The following FAM227B variants were observed in gnomAD, a reference collection of about 807,000 sequenced individuals.
The protein encoded by FAM227B is protein FAM227B.
FAM227B carries 88 observed loss-of-function variants against 73.8 expected under a neutral mutation model. The observed-to-expected ratio is 1.19, with a 90% CI of 1.00 to 1.42. FAM227B has a LOEUF of 1.42. Among genes scored for constraint, FAM227B ranks in the 40% most tolerant of loss-of-function variants. The probability of loss-of-function intolerance (pLI) is 0.00; values close to 1 mark genes in which losing one functional copy is unlikely to be tolerated. For missense variants in FAM227B, 632 were observed against 590.9 expected (o/e 1.07, Z -0.72); for synonymous variants, 210 against 190.5 (o/e 1.10, Z -0.84).
rs1303806099 is a variant in FAM227B at position 49,596,857 on chromosome 15, G to A, written c.106-6850C>T. On this transcript the variant is annotated intron_variant, in intron 3 of 15. Transcript: ENST00000299338. ...GACAAAATAAACTTTAAAGCAACAA[G>A]AGTTAAAAAAGACAAAGAGGGACAT... 4.0e-5 allele frequency among the ~76,000 whole-genome samples: 6 copies of A among 151,874 alleles called. No individual in the cohort carries two copies. In the East Asian group the frequency reaches 1.2e-3, roughly 29 times the overall value.
chr15:49,606,785 A>C (rs1221977335), intron 3 of FAM227B, among the ~76,000 whole-genome samples: 1 of 152,202 alleles, frequency 6.6e-6, no homozygotes, highest in East Asian at 1.9e-4. Context: ...AGATGGCTTT[A>C]ATACTAAATT....
chr15:49,386,097 CAG>C (rs1836838839), intron 11 of FAM227B, among the ~76,000 whole-genome samples: 1 of 151,756 alleles, frequency 6.6e-6, no homozygotes, highest in African/African-American at 2.4e-5. Flanking sequence ...ATCTTCAACA[CAG>C]AAAGTCAACA....
rs1347693924 is a variant in FAM227B at position 49,366,655 on chromosome 15, G to C, written c.1271+793C>G. On this transcript the variant is annotated intron_variant, in intron 13 of 15. Transcript: ENST00000299338. The stretch of plus-strand genomic sequence containing the variant: ...GGAAGCCCCAGAGCAGGGCGGCCGT[G>C]GCAGGGGACAGCCGCCGCTGCGGCC... The C allele has an allele frequency of 1.9e-5, 29 of 1,554,254 alleles. No individual in the cohort carries two copies. In the East Asian group the frequency reaches 6.3e-4, roughly 34 times the overall value.
At chr15:49,544,988 G>A (rs552441679) in intron 9 of FAM227B, among the ~76,000 whole-genome samples, 12 of 152,126 alleles carry the variant, frequency 7.9e-5, no homozygotes, top group African/African-American at 2.9e-4. Flanking sequence ...GTTCTTTCCT[G>A]GTTTTGGTAT....
At position 49,489,931 on chromosome 15, in the gene FAM227B, G is replaced by C. The variant is rs1241650120; in HGVS notation, c.1012+18280C>G. ...AGAGAGAGACAGAGAGAGAGACAGA[G>C]AGAGAGAGAGAGAGACACCTAGGCC... is the stretch of plus-strand genomic sequence containing the variant. On this transcript the variant is annotated intron_variant, in intron 11 of 15. Transcript: ENST00000299338. Among the ~76,000 whole-genome samples, 5 of 137,102 alleles carry C rather than the reference G, an allele frequency of 3.6e-5. 2 individuals carry two copies. The highest frequency in any genetic ancestry group is 7.9e-5 in the Non-Finnish European group (5 of 63,334). 89.9% of individuals were successfully genotyped at this position (137,102 alleles called of 152,430 possible).
intron 1 of FAM227B, among the ~76,000 whole-genome samples, chr15:49,617,805 T>A (rs138178508): frequency 0.024 from 3,696 of 151,306 alleles, 81 homozygotes; most frequent in African/African-American, 0.054. Flanking sequence ...TGTGTGTGTG[T>A]GACAGAGTTT....
intron 11 of FAM227B, among the ~76,000 whole-genome samples, chr15:49,466,363 G>A (rs1294498630): frequency 6.6e-6 from 1 of 152,196 alleles, no homozygotes; most frequent in African/African-American, 2.4e-5. Context: ...AGAGCAGGTA[G>A]AGACTGACAT....
intron 11 of FAM227B, among the ~76,000 whole-genome samples, chr15:49,483,613 A>G (rs868843793): frequency 4.6e-5 from 7 of 152,058 alleles, no homozygotes; most frequent in Non-Finnish European, 7.4e-5. Context: ...CATTGCTGAC[A>G]TGAAAATTCT....
intron 13 of FAM227B, among the ~76,000 whole-genome samples, chr15:49,339,876 C>G (rs1441370454): frequency 6.6e-6 from 1 of 152,140 alleles, no homozygotes; most frequent in Non-Finnish European, 1.5e-5. Context: ...CTGCGGTGGG[C>G]TCCACCCAGT....
intron 11 of FAM227B, among the ~76,000 whole-genome samples, chr15:49,377,933 TTAG>T (rs1040790281): frequency 6.6e-6 from 1 of 152,100 alleles, no homozygotes; most frequent in Admixed American, 6.5e-5. Context: ...AAAATGTCAC[TTAG>T]ACCAATGTCC....
At chr15:49,424,539 A>C (rs1242213693) in intron 11 of FAM227B, 1 of 1,606,874 alleles carries the variant, frequency 6.2e-7, no homozygotes, top group Non-Finnish European at 8.5e-7. Context: ...AGGATCGATA[A>C]AAGAGGCAAA....
chr15:49,608,433 A>C (rs2077663896), intron 3 of FAM227B, among the ~76,000 whole-genome samples: 1 of 152,066 alleles, frequency 6.6e-6, no homozygotes, highest in South Asian at 2.1e-4. Flanking sequence ...TTTTTATTGA[A>C]TATATGGGTA....
intron 11 of FAM227B, among the ~76,000 whole-genome samples, chr15:49,451,230 G>C (rs2052704404): frequency 6.6e-6 from 1 of 151,990 alleles, no homozygotes; most frequent in Non-Finnish European, 1.5e-5. Flanking sequence ...ATTAGAGCTT[G>C]CCAATTTCTA....
intron 11 of FAM227B, among the ~76,000 whole-genome samples, chr15:49,471,959 C>T (rs1410426789): frequency 2.0e-5 from 3 of 151,054 alleles, no homozygotes; most frequent in African/African-American, 7.3e-5. Context: ...AAGTGAAAGA[C>T]ATGACAGCAC....
At chr15:49,570,736 G>A (rs535022228) in intron 8 of FAM227B, among the ~76,000 whole-genome samples, 1 of 150,320 alleles carries the variant, frequency 6.7e-6, no homozygotes, top group East Asian at 1.9e-4. Context: ...TTCTGTGACT[G>A]GCTTATTTCA....
chr15:49,463,028 T>C (rs2053941931), intron 11 of FAM227B, among the ~76,000 whole-genome samples: 2 of 152,214 alleles, frequency 1.3e-5, no homozygotes, highest in Admixed American at 6.5e-5. Flanking sequence ...TCACTCAAAA[T>C]AGATTCAGGA....
chr15:49,539,514 A>G (rs1479568371), intron 10 of FAM227B, among the ~76,000 whole-genome samples: 1 of 152,190 alleles, frequency 6.6e-6, no homozygotes, highest in East Asian at 1.9e-4. Context: ...GGCAGTAGGG[A>G]CATTGGTGCC....
At chr15:49,528,052 T>A (rs565562367) in intron 10 of FAM227B, among the ~76,000 whole-genome samples, 3 of 151,724 alleles carry the variant, frequency 2.0e-5, no homozygotes, top group Admixed American at 6.6e-5. Flanking sequence ...TCCAAAGCAA[T>A]TCAGCAAAAA....
chr15:49,479,209 TGCC>T, intron 11 of FAM227B, among the ~76,000 whole-genome samples: 1 of 151,976 alleles, frequency 6.6e-6, no homozygotes, highest in Non-Finnish European at 1.5e-5. Flanking sequence ...CTTGACATAT[TGCC>T]TGGTTTTTCA....
Sources: gnomAD v4.1 joint callset for allele counts (sites outside exome capture counted in the v4.1 genomes callset) on GRCh38, gnomAD v4.1.1 for gene constraint, MANE v1.5 for transcripts, NCBI Gene and HGNC (gene_info 2026-07-23, HGNC 2026-07-21) for gene names.